Variants in ANKRD34B observed in about 807,000 individuals in gnomAD.
ANKRD34B encodes ankyrin repeat domain 34B, also known as ankyrin repeat domain-containing protein 34B.
Under a neutral mutation model 4.4 loss-of-function variants are expected in ANKRD34B, and 2 were observed. That is an observed-to-expected ratio of 0.46 (90% CI 0.19 to 1.44). The LOEUF is 1.44. ANKRD34B is among the 40% of genes most tolerant of loss of function. The pLI is 0.26. For synonymous variants in ANKRD34B, 226 were observed against 227.1 expected (o/e 0.99, Z 0.05); for missense variants, 558 against 604.7 (o/e 0.92, Z 0.81).
chr5:80,558,719 G>T lies in ANKRD34B; in HGVS notation c.1301C>A (p.Ala434Asp). The T allele has an allele frequency of 1.2e-6, 2 of 1,614,156 alleles. No individual in the cohort carries two copies. The highest frequency in any genetic ancestry group is 8.5e-7 in the Non-Finnish European group (1 of 1,180,022). The change falls in exon 5 of 5, where the codon GCT becomes GAT. Residue 434 changes from alanine to aspartate, a missense_variant. By Grantham distance (126) the Ala-to-Asp change is moderately radical. Coordinates refer to ENST00000338682, the MANE Select transcript of ANKRD34B (RefSeq NM_001004441.3). ...GGTAACACTGTGATCTAAAGGGAAA[G>T]CTCCTGAACCTCGCCTTTCTAAAAC... ...HAVLERRGSGAFPLDHSVTQT... is the reference protein window; with the variant it reads ...HAVLERRGSGDFPLDHSVTQT...
chr5:80,567,627 AAAAAAAAAAG>A (rs1474069556), intron 2 of ANKRD34B, among the ~76,000 whole-genome samples: 2 of 144,068 alleles, frequency 1.4e-5, no homozygotes, highest in East Asian at 4.3e-4. Flanking sequence ...GTCTCAAAAA[AAAAAAAAAAG>A]AAAAGAAAAG....
rs111603222 is a variant in ANKRD34B at position 80,567,621 on chromosome 5, CA to C, written c.-190-848del. Among the ~76,000 whole-genome samples the C allele has an allele frequency of 1.6e-3, 81 of 50,528 alleles. 7 individuals are homozygous for C. The highest frequency in any genetic ancestry group is 6.2e-3 in the East Asian group (1 of 162). 33.1% of individuals were successfully genotyped at this position (50,528 alleles called of 152,430 possible). On this transcript the variant is annotated intron_variant, in intron 2 of 4. Transcript: ENST00000338682. The stretch of plus-strand genomic sequence containing the variant: ...GGGTGACAAAAGCAAGACTCCGTCT[CA>C]AAAAAAAAAAAAAAGAAAAGAAAAG...
In ANKRD34B at chr5:80,558,337, A is replaced by C. The variant is rs951452732; in HGVS notation, c.*138T>G. The C allele has an allele frequency of 5.9e-6, 4 of 677,194 alleles. No individual in the cohort carries two copies. Among genetic ancestry groups the C allele is most frequent in the Non-Finnish European group, 9.7e-6 (4 of 412,244 alleles). The allele number at this position is 677,194 out of a possible 1,614,324, so 41.9% of individuals were successfully genotyped here. A position where few individuals can be genotyped will look rare whatever the true frequency, so the allele number is the denominator to read the frequency against. On this transcript the variant is annotated 3_prime_UTR_variant, in exon 5 of 5. Transcript: ENST00000338682. ...ATGCTCATGACGCCTAGTACAAATC[A>C]CATTACATTTTAATCCATCTAGCCA... is the stretch of plus-strand genomic sequence containing the variant.
At position 80,568,919 on chromosome 5, in the gene ANKRD34B, C is replaced by CAG. The variant is rs1366279474; in HGVS notation, c.-191+40_-191+41insCT. 4.6e-4 allele frequency: 36 copies of CAG among 78,916 alleles called. No individual in the cohort carries two copies. The East Asian group carries it at 0.012, about 26-fold the overall frequency. 4.9% of individuals were successfully genotyped at this position (78,916 alleles called of 1,614,324 possible). On this transcript the variant is annotated intron_variant, in intron 2 of 4. Coordinates refer to ENST00000338682, the MANE Select transcript of ANKRD34B (RefSeq NM_001004441.3). ...ACACACACACACACACACACACACACACACACAGAGAGAGAGAGAGAGAGA... is the reference window on the plus strand; with the variant it reads ...ACACACACACACACACACACACACACAGACACACAGAGAGAGAGAGAGAGAGA...
Position 80,558,826 on chromosome 5 carries a change from T to C in ANKRD34B, c.1194A>G (p.Ser398=), listed in dbSNP as rs1196219982. The C allele has an allele frequency of 1.2e-6, 2 of 1,613,874 alleles. No homozygotes were observed. The highest frequency in any genetic ancestry group is 3.3e-5 in the Admixed American group (2 of 59,970). ...ACTCTGACAATTGGGAAGGAGATGG[T>C]GAGAGGATCTTTTTCTTTCCTATAA... The part of the protein sequence containing the change: ...KALIGKKKIL[S]PSPSQLSESK... Residue 398 remains serine, a synonymous_variant, in exon 5 of 5, where the codon TCA becomes TCG. Coordinates refer to ENST00000338682, the MANE Select transcript of ANKRD34B (RefSeq NM_001004441.3).
At chr5:80,569,255 C>T (rs1415867508) in intron 1 of ANKRD34B, 148 bp from the exon 2 acceptor site, 2 of 152,380 alleles carry the variant, frequency 1.3e-5, no homozygotes, top group Admixed American at 6.5e-5. Flanking sequence ...CGGGTTCTGC[C>T]CACAGCCGCT....
intron 3 of ANKRD34B, among the ~76,000 whole-genome samples, chr5:80,565,427 G>A (rs907801291): frequency 1.3e-5 from 2 of 152,156 alleles, no homozygotes; most frequent in East Asian, 1.9e-4. Context: ...TTGTACCTTC[G>A]ATACAGATAA....
chr5:80,562,747 C>G (rs545784605), intron 4 of ANKRD34B, among the ~76,000 whole-genome samples: 1 of 152,292 alleles, frequency 6.6e-6, no homozygotes, highest in South Asian at 2.1e-4. Context: ...AAAAAGGTGT[C>G]AGATACTTTA....
At chr5:80,567,490 G>A (rs148231018) in intron 2 of ANKRD34B, among the ~76,000 whole-genome samples, 3 of 150,974 alleles carry the variant, frequency 2.0e-5, no homozygotes, top group African/African-American at 4.8e-5. Flanking sequence ...GCATTGTGGC[G>A]GGTGCCTGTA....
chr5:80,569,294 C>T (rs1206822288), intron 1 of ANKRD34B, among the ~76,000 whole-genome samples, 187 bp from the exon 2 acceptor site: 1 of 152,166 alleles, frequency 6.6e-6, no homozygotes, highest in Non-Finnish European at 1.5e-5. Flanking sequence ...CGCTCGCCCG[C>T]CGGCCGGACG....
At position 80,558,966 on chromosome 5, in the gene ANKRD34B, C is replaced by A. The variant is rs748437063; in HGVS notation, c.1054G>T (p.Ala352Ser). ...QDPDSNQTIF[A>S]STLRSIVQKR... The stretch of plus-strand genomic sequence containing the variant: ...TGAACTATACTTCTTAAGGTGGAAG[C>A]AAATATTGTCTGGTTAGAATCTGGG... The change falls in exon 5 of 5, where the codon GCT becomes TCT. Residue 352 changes from alanine (A) to serine (S), a missense_variant. By Grantham distance (99) the Ala-to-Ser change is moderately conservative. Coordinates refer to ENST00000338682, the MANE Select transcript of ANKRD34B (RefSeq NM_001004441.3). The A allele has an allele frequency of 3.7e-6, 6 of 1,614,030 alleles. No homozygotes were observed. The African/African-American group carries it at 8.0e-5, about 22-fold the overall frequency.
At chr5:80,567,336 G>A (rs552019785) in intron 2 of ANKRD34B, among the ~76,000 whole-genome samples, 1 of 151,724 alleles carries the variant, frequency 6.6e-6, no homozygotes, top group Non-Finnish European at 1.5e-5. Flanking sequence ...AGGCAGAAAA[G>A]TGGCCGGGCA....
At position 80,557,286 on chromosome 5, in the gene ANKRD34B, A is replaced by G. The variant is rs1746272573; in HGVS notation, c.*1189T>C. 6.6e-6 allele frequency: 1 copy of G among 152,018 alleles called. No homozygotes were observed. Among genetic ancestry groups the G allele is most frequent in the Non-Finnish European group, 1.5e-5 (1 of 67,970 alleles). 9.4% of individuals were successfully genotyped at this position (152,018 alleles called of 1,614,324 possible). A position where few individuals can be genotyped will look rare whatever the true frequency, so the allele number is the denominator to read the frequency against. On this transcript the variant is annotated 3_prime_UTR_variant, in exon 5 of 5. Coordinates refer to ENST00000338682, the MANE Select transcript of ANKRD34B (RefSeq NM_001004441.3). ...TAATATTTTATAATACTAATATGGT[A>G]TTCATTAATTTTGTTGGAAGTTATT... is the stretch of plus-strand genomic sequence containing the variant.
intron 3 of ANKRD34B, 77 bp from the exon 4 acceptor site, chr5:80,563,892 T>C (rs919881570): frequency 2.6e-5 from 4 of 152,184 alleles, no homozygotes; most frequent in Non-Finnish European, 4.4e-5. Context: ...ATGGGCTTAA[T>C]AGATCATAGA....
Position 80,559,492 on chromosome 5 carries a change from C to T in ANKRD34B, c.528G>A (p.Gly176=), listed in dbSNP as rs1019966074. ...TGGTGCAGGTAGCTGGGGAATGACA[C>T]CCATCTATATCCACAGGAGGCATAT... ...YLNMPPVDID[G]CHSPATCTTP... Residue 176 remains glycine (G), a synonymous_variant, in exon 5 of 5, where the codon GGG becomes GGA. Transcript: ENST00000338682. The T allele has an allele frequency of 1.2e-6, 2 of 1,614,082 alleles. No homozygotes were observed.
At chr5:80,561,604 C>T (rs1409240339) in intron 4 of ANKRD34B, among the ~76,000 whole-genome samples, 1 of 152,138 alleles carries the variant, frequency 6.6e-6, no homozygotes, top group Non-Finnish European at 1.5e-5. Context: ...AGCTCACAGT[C>T]TTTTGGGAGA....
chr5:80,565,551 T>C (rs891414413), intron 3 of ANKRD34B, among the ~76,000 whole-genome samples: 1 of 152,242 alleles, frequency 6.6e-6, no homozygotes, highest in African/African-American at 2.4e-5. Flanking sequence ...GAGTTCCTCA[T>C]GCGTGGAATG....
intron 4 of ANKRD34B, among the ~76,000 whole-genome samples, chr5:80,560,908 C>T (rs532093617): frequency 7.0e-4 from 107 of 152,250 alleles, no homozygotes; most frequent in African/African-American, 2.5e-3. Context: ...GTTAAAATAA[C>T]TGACATAATA....
At position 80,559,823 on chromosome 5, in the gene ANKRD34B, A is replaced by T; in HGVS notation, c.197T>A (p.Met66Lys). ...VDHQSVSKAK[M>K]VKYLLENNAD... is the part of the protein sequence containing the mutation. The stretch of plus-strand genomic sequence containing the variant: ...ATTGTTCTCTAACAGGTATTTCACC[A>T]TTTTGGCTTTACTGACACTCTGGTG... The change falls in exon 5 of 5, where the codon ATG becomes AAG. Residue 66 changes from methionine to lysine, a missense_variant. By Grantham distance (95) the Met-to-Lys change is moderately conservative. Transcript: ENST00000338682. 2 of 1,614,166 alleles carry T rather than the reference A, an allele frequency of 1.2e-6. No homozygotes were observed. Among genetic ancestry groups the T allele is most frequent in the East Asian group, 4.5e-5 (2 of 44,882 alleles).
Sources: gnomAD v4.1 joint callset for allele counts (sites outside exome capture counted in the v4.1 genomes callset) on GRCh38, gnomAD v4.1.1 for gene constraint, MANE v1.5 for transcripts, NCBI Gene and HGNC (gene_info 2026-07-23, HGNC 2026-07-21) for gene names.